Variants in NT5C3A observed in about 807,000 individuals in gnomAD.
NT5C3A encodes the protein cytosolic 5'-nucleotidase 3A.
Under a neutral mutation model 40.0 loss-of-function variants are expected in NT5C3A, and 23 were observed. The observed-to-expected ratio is 0.58, with a 90% CI of 0.41 to 0.81. The LOEUF is 0.81. Ranked by LOEUF, NT5C3A falls within the 40% of genes least tolerant of loss-of-function variation. The pLI, the probability that NT5C3A is intolerant of heterozygous loss-of-function variation, is 0.00. For missense variants in NT5C3A, 328 were observed against 403.0 expected (o/e 0.81, Z 1.59); for synonymous variants, 130 against 141.4 (o/e 0.92, Z 0.57).
At chr7:33,046,029 C>T (rs1467161070) in intron 1 of NT5C3A, 4 of 152,268 alleles carry the variant, frequency 2.6e-5, no homozygotes, top group Non-Finnish European at 5.9e-5. Context: ...AACTCCTGGG[C>T]TCAAGTGATC....
At chr7:33,029,531 A>T in intron 1 of NT5C3A, 2 of 576,882 alleles carry the variant, frequency 3.5e-6, no homozygotes, top group Non-Finnish European at 5.8e-6. Context: ...TTCAATAACC[A>T]ATCCATTATG....
intron 1 of NT5C3A, 22 bp from the exon 2 acceptor site, chr7:33,026,937 T>C (rs763033338): frequency 6.6e-7 from 1 of 1,515,002 alleles, no homozygotes; most frequent in East Asian, 2.3e-5. Context: ...AGAAAATTAA[T>C]TAATTAGTTT....
In NT5C3A at chr7:33,026,902, TG is replaced by T. The variant is rs1785973494; in HGVS notation, c.151del (p.Gln51ArgfsTer13). ...GTTCTTGATTCGAACTGAACTTTTC[TG>T]GAATTCTGGCATCTAAAAGTAAAAG... is the stretch of plus-strand genomic sequence containing the variant. ...TKIIEMMPEFQKSSVRIKNPT... is the reference protein window; with the variant it reads ...TKIIEMMPEFXKSSVRIKNPT... On this transcript the variant is annotated frameshift_variant, in exon 2 of 9. Transcript: ENST00000610140. LOFTEE classifies it high-confidence loss of function. 6.2e-7 allele frequency: 1 copy of T among 1,610,366 alleles called. No individual in the cohort carries two copies. The highest frequency in any genetic ancestry group is 1.3e-5 in the African/African-American group (1 of 74,830).
rs1457878489 is a variant in NT5C3A, at chr7:33,035,188, A to AG, written c.139-8274dup. Among the ~76,000 whole-genome samples, 7 of 103,902 alleles carry AG rather than the reference A, an allele frequency of 6.7e-5. No homozygotes were observed. In the East Asian group the frequency reaches 1.9e-3, roughly 28 times the overall value. The allele number at this position is 103,902 out of a possible 152,430, so 68.2% of individuals were successfully genotyped here. On this transcript the variant is annotated intron_variant, in intron 1 of 8. Transcript: ENST00000610140. ...GGGCTATAGAAGCTAATAAGGAATG[A>AG]GTTTTTTTTTTTTTTTTTTTTTTGA...
chr7:33,027,858 T>C (rs1056462765), intron 1 of NT5C3A, among the ~76,000 whole-genome samples: 1 of 152,176 alleles, frequency 6.6e-6, no homozygotes, highest in Non-Finnish European at 1.5e-5. Context: ...TATACGCATA[T>C]AGTTTTAGCT....
rs1485752457 is a variant in NT5C3A, at chr7:33,014,201, T to C, written c.*529A>G. The C allele has an allele frequency of 4.4e-6, 2 of 454,496 alleles. No individual in the cohort carries two copies. The highest frequency in any genetic ancestry group is 6.9e-5 in the East Asian group (1 of 14,396). 28.2% of individuals were successfully genotyped at this position (454,496 alleles called of 1,614,324 possible). A position where few individuals can be genotyped will look rare whatever the true frequency, so the allele number is the denominator to read the frequency against. On this transcript the variant is annotated 3_prime_UTR_variant, in exon 9 of 9. Transcript: ENST00000610140. ...GAATGTTTTGTAATGATTAGCAACATTGTAAACACCACCAGGTTTTTCCAA... is the reference window on the plus strand; with the variant it reads ...GAATGTTTTGTAATGATTAGCAACACTGTAAACACCACCAGGTTTTTCCAA...
chr7:33,025,711 G>A (rs1181575655), intron 2 of NT5C3A, among the ~76,000 whole-genome samples: 1 of 151,732 alleles, frequency 6.6e-6, no homozygotes, highest in Non-Finnish European at 1.5e-5. Context: ...AAAAACTTAA[G>A]AGTATTTCAG....
chr7:33,040,954 G>A (rs1317913893), intron 1 of NT5C3A: 1 of 985,272 alleles, frequency 1.0e-6, no homozygotes, highest in African/African-American at 1.7e-5. Context: ...AGGTGCAACT[G>A]AGGGCGGTTC....
At chr7:33,046,408 A>T (rs967811976) in intron 1 of NT5C3A, among the ~76,000 whole-genome samples, 14 of 152,198 alleles carry the variant, frequency 9.2e-5, no homozygotes, top group African/African-American at 3.4e-4. Context: ...GTGTGGTGGC[A>T]TGTGCCTGTA....
intron 1 of NT5C3A, among the ~76,000 whole-genome samples, chr7:33,033,877 C>CATATATATATAT (rs1554291562): frequency 0.016 from 1,955 of 125,828 alleles, 66 homozygotes; most frequent in South Asian, 0.061. Flanking sequence ...ATATAAAAGA[C>CATATATATATAT]ATATATATAT....
At chr7:33,028,872 G>A (rs1476590625) in intron 1 of NT5C3A, among the ~76,000 whole-genome samples, 2 of 152,076 alleles carry the variant, frequency 1.3e-5, no homozygotes, top group Admixed American at 6.6e-5. Context: ...TGGCTAACAT[G>A]GTGAAATACT....
chr7:33,032,534 G>C (rs1315106451), intron 1 of NT5C3A, among the ~76,000 whole-genome samples: 1 of 151,494 alleles, frequency 6.6e-6, no homozygotes, highest in Non-Finnish European at 1.5e-5. Context: ...TTGGCTCACT[G>C]CAACTTTCCC....
intron 3 of NT5C3A, 43 bp downstream of exon 3, chr7:33,023,996 G>C: frequency 8.8e-7 from 1 of 1,133,000 alleles, no homozygotes; most frequent in South Asian, 1.3e-5. Context: ...TTAAAATAAT[G>C]ATGACATGCT....
chr7:33,014,515 TTA>T lies in NT5C3A; in HGVS notation c.*213_*214del. 6.2e-6 allele frequency: 4 copies of T among 642,168 alleles called. No homozygotes were observed. The highest frequency in any genetic ancestry group is 7.4e-5 in the East Asian group (2 of 26,846). The allele number at this position is 642,168 out of a possible 1,614,324, so 39.8% of individuals were successfully genotyped here. A position where few individuals can be genotyped will look rare whatever the true frequency, so the allele number is the denominator to read the frequency against. On this transcript the variant is annotated 3_prime_UTR_variant, in exon 9 of 9. Transcript: ENST00000610140. ...TTCTAATTTTAGCTTTTTTTTTTTTTTAAATGGGTTAAAAGATACGGTGAGGA... is the reference window on the plus strand; with the variant it reads ...TTCTAATTTTAGCTTTTTTTTTTTTTAATGGGTTAAAAGATACGGTGAGGA...
At chr7:33,022,512 C>G (rs1371930252) in intron 3 of NT5C3A, among the ~76,000 whole-genome samples, 1 of 152,102 alleles carries the variant, frequency 6.6e-6, no homozygotes, top group African/African-American at 2.4e-5. Context: ...ATCCAGACCA[C>G]TGTAAAGAAG....
intron 2 of NT5C3A, among the ~76,000 whole-genome samples, chr7:33,026,353 G>GAAAAAAAAAAA (rs1226260693): frequency 2.9e-4 from 27 of 94,154 alleles, no homozygotes; most frequent in Admixed American, 1.5e-3. Flanking sequence ...CATCTCAAAA[G>GAAAAAAAAAAA]AAAAAAAAAA....
intron 1 of NT5C3A, chr7:33,029,175 C>T (rs1345989811): frequency 1.3e-5 from 2 of 154,330 alleles, no homozygotes; most frequent in Admixed American, 1.3e-4. Flanking sequence ...GTTTCAATGG[C>T]TTAAAGGTTA....
At chr7:33,062,402 G>A (rs1485494958) in intron 1 of NT5C3A, among the ~76,000 whole-genome samples, 166 bp downstream of exon 1, 1 of 152,186 alleles carries the variant, frequency 6.6e-6, no homozygotes, top group African/African-American at 2.4e-5. Flanking sequence ...CGGGGCGGCC[G>A]GGTCCCCCAA....
chr7:33,038,985 G>A (rs981990201), intron 1 of NT5C3A: 1 of 432,842 alleles, frequency 2.3e-6, no homozygotes, highest in African/African-American at 2.1e-5. Flanking sequence ...AATGTGAACT[G>A]GAAAATGTGG....
Sources: allele counts gnomAD v4.1 joint callset (sites outside exome capture counted in the v4.1 genomes callset), GRCh38; gene constraint gnomAD v4.1.1; transcripts MANE v1.5; gene names NCBI Gene and HGNC (gene_info 2026-07-23, HGNC 2026-07-21).